MRTFA: variants seen among roughly 807,000 people sequenced by gnomAD.
MRTFA encodes the protein myocardin-related transcription factor A.
In MRTFA, 20 loss-of-function variants were observed where a neutral mutation model predicts 83.5. The observed-to-expected ratio is 0.24, with a 90% CI of 0.17 to 0.35. The LOEUF (loss-of-function observed/expected upper bound fraction) is 0.35. MRTFA is among the 10% of genes least tolerant of loss of function. The pLI is 1.00. For missense variants in MRTFA, 1,200 were observed against 1,224.7 expected (o/e 0.98, Z 0.30); for synonymous variants, 659 against 541.2 (o/e 1.22, Z -3.02).
chr22:40,580,191 T>C (rs978724986), intron 2 of MRTFA, among the ~76,000 whole-genome samples: 3 of 152,126 alleles, frequency 2.0e-5, no homozygotes, highest in African/African-American at 7.2e-5. Flanking sequence ...CTCACCCATG[T>C]GATTTTTTTT....
At chr22:40,516,539 A>G (rs2054764193) in intron 3 of MRTFA, among the ~76,000 whole-genome samples, 1 of 151,844 alleles carries the variant, frequency 6.6e-6, no homozygotes, top group Non-Finnish European at 1.5e-5. Flanking sequence ...GCCAACAAGG[A>G]CCTTCACACA....
chr22:40,589,845 G>A (rs932781643), intron 2 of MRTFA, among the ~76,000 whole-genome samples: 1 of 152,000 alleles, frequency 6.6e-6, no homozygotes, highest in Non-Finnish European at 1.5e-5. Flanking sequence ...TGACCAACAT[G>A]GTGAAACCCC....
At chr22:40,500,326 TGTTA>T (rs2054439983) in intron 3 of MRTFA, among the ~76,000 whole-genome samples, 1 of 129,938 alleles carries the variant, frequency 7.7e-6, no homozygotes, top group South Asian at 2.8e-4. Context: ...TCTTTTTTTT[TGTTA>T]CAGTTTTTAT....
rs941309005 is a variant in MRTFA at position 40,411,459 on chromosome 22, G to A, written c.3027C>T (p.Ala1009=). The A allele has an allele frequency of 1.9e-6, 3 of 1,601,354 alleles. No individual in the cohort carries two copies. The African/African-American group carries it at 4.0e-5, about 21-fold the overall frequency. ...GGAAGTCTGTGGAGAAGAGGCTGGG[G>A]GCTGTGGTGCTGAGGGGGGCTAGGC... is the stretch of plus-strand genomic sequence containing the variant. The change falls in exon 15 of 15, where the codon GCC becomes GCT. Residue 1009 remains alanine (A), a synonymous_variant. Coordinates refer to ENST00000355630, the MANE Select transcript of MRTFA (RefSeq NM_020831.6).
At chr22:40,552,892 G>C (rs2055464293) in intron 2 of MRTFA, among the ~76,000 whole-genome samples, 2 of 152,188 alleles carry the variant, frequency 1.3e-5, no homozygotes, top group South Asian at 4.1e-4. Flanking sequence ...GAAGAAGACA[G>C]GAAACTGTGG....
intron 1 of MRTFA, among the ~76,000 whole-genome samples, chr22:40,598,345 T>C (rs76416622): frequency 0.019 from 2,843 of 152,292 alleles, 91 homozygotes; most frequent in African/African-American, 0.066. Flanking sequence ...TGAATTCTAT[T>C]TTTATATGAA....
At position 40,419,067 on chromosome 22, in the gene MRTFA, G is replaced by A; in HGVS notation, c.1671C>T (p.Pro557=). The A allele has an allele frequency of 6.2e-6, 10 of 1,609,188 alleles. No homozygotes were observed. The highest frequency in any genetic ancestry group is 8.5e-6 in the Non-Finnish European group (10 of 1,178,358). The change falls in exon 12 of 15, where the codon CCC becomes CCT. Residue 557 remains proline, a synonymous_variant. Coordinates refer to ENST00000355630, the MANE Select transcript of MRTFA (RefSeq NM_020831.6). ...CCGTGCTGAGCAGTGAGCGCTCCGA[G>A]GGGGTGGGAGACACGGGGGGCGTGG...
intron 2 of MRTFA, among the ~76,000 whole-genome samples, chr22:40,582,069 T>C (rs2055955234): frequency 6.6e-6 from 1 of 152,220 alleles, no homozygotes; most frequent in African/African-American, 2.4e-5. Context: ...GTGGTCACTC[T>C]CCATTCCCCT....
rs187781517 is a variant in MRTFA, at chr22:40,517,207, G to A, written c.241+34899C>T. Among the ~76,000 whole-genome samples the A allele has an allele frequency of 8.9e-4, 135 of 152,352 alleles. 1 individual carries two copies. In the Middle Eastern group the frequency reaches 0.02, roughly 23 times the overall value. ...CAAAGTGCTGGGATTACAGGTGTGA[G>A]TCACTGTGCCTGGCCCCTTAAAATA... On this transcript the variant is annotated intron_variant, in intron 3 of 14. Transcript: ENST00000355630.
chr22:40,550,360 G>A lies in MRTFA; in HGVS notation c.241+1746C>T, dbSNP rs769912912. Among the ~76,000 whole-genome samples the A allele has an allele frequency of 5.9e-5, 9 of 152,078 alleles. No homozygotes were observed. The South Asian group carries it at 1.0e-3, about 18-fold the overall frequency. ...GAAAAAGAAAAAGGTAAGGAGATAC[G>A]TGTCCTAACAGACAGAAAGACTAAT... On this transcript the variant is annotated intron_variant, in intron 3 of 14. Coordinates refer to ENST00000355630, the MANE Select transcript of MRTFA (RefSeq NM_020831.6).
intron 1 of MRTFA, among the ~76,000 whole-genome samples, chr22:40,626,877 AC>A (rs1200097316): frequency 6.6e-6 from 1 of 151,280 alleles, no homozygotes; most frequent in African/African-American, 2.4e-5. Context: ...ACACACACAC[AC>A]ACACACACAC....
intron 1 of MRTFA, among the ~76,000 whole-genome samples, chr22:40,609,397 C>G (rs1486065145): frequency 1.3e-5 from 2 of 149,320 alleles, no homozygotes; most frequent in Non-Finnish European, 3.0e-5. Flanking sequence ...GGGAGGATCA[C>G]TCGAGCCCAG....
chr22:40,609,963 G>A (rs897692140), intron 1 of MRTFA, among the ~76,000 whole-genome samples: 3 of 151,612 alleles, frequency 2.0e-5, no homozygotes, highest in Non-Finnish European at 2.9e-5. Flanking sequence ...TCAGAGTAAA[G>A]AGGATAAATA....
rs57629965 is a variant in MRTFA, at chr22:40,589,276, G to GA, written c.-22+5397dup. 7.5e-3 allele frequency among the ~76,000 whole-genome samples: 1,146 copies of GA among 152,154 alleles called. 14 individuals are homozygous for GA. The highest frequency in any genetic ancestry group is 0.026 in the African/African-American group (1,095 of 41,526). ...ATGTATACATGTACAGCTTATAAAG[G>GA]AAAAAATCACTGCCTACTATGTGAC... On this transcript the variant is annotated intron_variant, in intron 2 of 14. Transcript: ENST00000355630.
At position 40,424,395 on chromosome 22, in the gene MRTFA, C is replaced by G; in HGVS notation, c.602-14G>C. On this transcript the variant is annotated splice_polypyrimidine_tract_variant and intron_variant, in intron 7 of 14. Transcript: ENST00000355630. ...TCACCTGGCCCACTGAAACCCAAAG[C>G]TGGTGTGAGATTCCACTTCCAGCCC... 1 of 1,611,918 alleles carries G rather than the reference C, an allele frequency of 6.2e-7. No individual in the cohort carries two copies. Among genetic ancestry groups the G allele is most frequent in the Non-Finnish European group, 8.5e-7 (1 of 1,179,094 alleles).
chr22:40,464,328 A>C (rs904406705), intron 3 of MRTFA, among the ~76,000 whole-genome samples: 4 of 151,036 alleles, frequency 2.6e-5, no homozygotes, highest in East Asian at 1.9e-4. Flanking sequence ...AAAAAAAAAA[A>C]AAAACAACTA....
At chr22:40,491,116 G>A (rs2147202136) in intron 3 of MRTFA, among the ~76,000 whole-genome samples, 1 of 152,316 alleles carries the variant, frequency 6.6e-6, no homozygotes, top group African/African-American at 2.4e-5. Flanking sequence ...GATGAGGCGG[G>A]AGGATCGCTT....
Position 40,475,614 on chromosome 22 carries a change from T to G in MRTFA, c.242-12328A>C, listed in dbSNP as rs545920580. Among the ~76,000 whole-genome samples the G allele has an allele frequency of 2.9e-4, 44 of 152,348 alleles. No individual in the cohort carries two copies. The South Asian group carries it at 8.5e-3, about 29-fold the overall frequency. ...CAAGTGTAACATTAGCTAGCACACA[T>G]GCCAAGAGTGGGCATGCCCTACTAC... On this transcript the variant is annotated intron_variant, in intron 3 of 14. Transcript: ENST00000355630.
intron 3 of MRTFA, among the ~76,000 whole-genome samples, chr22:40,483,529 CA>C (rs34088815): frequency 5.6e-4 from 85 of 151,364 alleles, no homozygotes; most frequent in Non-Finnish European, 1.0e-3. Context: ...ACTAAAAATA[CA>C]AAAAAGTAGC....
Sources: allele counts gnomAD v4.1 joint callset (sites outside exome capture counted in the v4.1 genomes callset), GRCh38; gene constraint gnomAD v4.1.1; transcripts MANE v1.5; gene names NCBI Gene and HGNC (gene_info 2026-07-23, HGNC 2026-07-21).